Variants in CNTLN observed in about 807,000 individuals in gnomAD.
The protein encoded by CNTLN is centlein, centrosomal protein.
Under a neutral mutation model 180.0 loss-of-function variants are expected in CNTLN, and 212 were observed. The observed-to-expected ratio is 1.18, with a 90% CI of 1.05 to 1.32. The LOEUF is 1.32. Among genes scored for constraint, CNTLN ranks in the 40% most tolerant of loss-of-function variants. The pLI, the probability that CNTLN is intolerant of heterozygous loss-of-function variation, is 0.00. For missense variants in CNTLN, 2,095 were observed against 1,610.9 expected (o/e 1.30, Z -5.14); for synonymous variants, 722 against 563.1 (o/e 1.28, Z -3.99).
chr9:17,291,331 C>G (rs1829392791), intron 6 of CNTLN, among the ~76,000 whole-genome samples: 1 of 152,152 alleles, frequency 6.6e-6, no homozygotes, highest in East Asian at 1.9e-4. Context: ...TCCACTTGAT[C>G]CAGAGCTTAG....
intron 13 of CNTLN, among the ~76,000 whole-genome samples, chr9:17,386,498 G>A (rs111988085): frequency 1.1e-4 from 16 of 152,278 alleles, no homozygotes; most frequent in African/African-American, 3.9e-4. Flanking sequence ...TTCTAACTAG[G>A]TCTTGTTGGT....
At chr9:17,299,549 A>C (rs1205720265) in intron 7 of CNTLN, 1 of 985,216 alleles carries the variant, frequency 1.0e-6, no homozygotes, top group Non-Finnish European at 1.2e-6. Flanking sequence ...GCTTTGTAAC[A>C]GTGGTTTTCA....
chr9:17,462,568 AT>A (rs1000173773), intron 19 of CNTLN, among the ~76,000 whole-genome samples: 6 of 151,784 alleles, frequency 4.0e-5, no homozygotes, highest in Non-Finnish European at 5.9e-5. Context: ...TAAATCCAGT[AT>A]TTGTTTTAAG....
At chr9:17,186,062 G>A (rs926585860) in intron 2 of CNTLN, among the ~76,000 whole-genome samples, 3 of 152,094 alleles carry the variant, frequency 2.0e-5, no homozygotes, top group East Asian at 1.9e-4. Context: ...AGAGTGCCAG[G>A]ACCACAGGTA....
chr9:17,361,767 C>T (rs1823410147), intron 12 of CNTLN, among the ~76,000 whole-genome samples: 1 of 152,228 alleles, frequency 6.6e-6, no homozygotes, highest in African/African-American at 2.4e-5. Context: ...TCATTAAGGG[C>T]TCTCTCTGTT....
In CNTLN at chr9:17,477,751, G is replaced by A. The variant is rs550725698; in HGVS notation, c.3856-6544G>A. Among the ~76,000 whole-genome samples the A allele has an allele frequency of 3.9e-5, 6 of 152,364 alleles. No homozygotes were observed. The South Asian group carries it at 1.0e-3, about 26-fold the overall frequency. On this transcript the variant is annotated intron_variant, in intron 23 of 25. Coordinates refer to ENST00000380647, the MANE Select transcript of CNTLN (RefSeq NM_017738.4). The stretch of plus-strand genomic sequence containing the variant: ...AGTAGAGAAAGCGGTTTCCTGAGAC[G>A]AAATCTCCTCCTGGTGAAAACGCTG...
intron 2 of CNTLN, among the ~76,000 whole-genome samples, chr9:17,165,137 C>T (rs77873567): frequency 1.3e-5 from 2 of 152,078 alleles, no homozygotes; most frequent in Non-Finnish European, 1.5e-5. Context: ...TGCGCCCGGC[C>T]TCTTAGAACA....
chr9:17,347,667 T>G (rs1205899133), intron 12 of CNTLN, among the ~76,000 whole-genome samples: 1 of 75,724 alleles, frequency 1.3e-5, no homozygotes, highest in Non-Finnish European at 2.9e-5. Context: ...AGTAAGACTC[T>G]TGTCTCAAAA....
chr9:17,250,488 G>C (rs962110404), intron 5 of CNTLN, among the ~76,000 whole-genome samples: 1 of 151,844 alleles, frequency 6.6e-6, no homozygotes, highest in Admixed American at 6.6e-5. Context: ...TTTCGATTTT[G>C]TTTGTTTAGT....
chr9:17,318,577 A>G (rs1006630512), intron 8 of CNTLN, among the ~76,000 whole-genome samples: 12 of 152,194 alleles, frequency 7.9e-5, no homozygotes, highest in Admixed American at 6.5e-4. Context: ...AAATGAATTC[A>G]TGCTTTTCAG....
chr9:17,246,228 C>A (rs1825788951), intron 5 of CNTLN, among the ~76,000 whole-genome samples: 1 of 152,072 alleles, frequency 6.6e-6, no homozygotes, highest in Non-Finnish European at 1.5e-5. Flanking sequence ...TGATCTATGT[C>A]TTTGGTCATT....
At chr9:17,211,805 CT>C (rs1199447882) in intron 2 of CNTLN, among the ~76,000 whole-genome samples, 1 of 151,994 alleles carries the variant, frequency 6.6e-6, no homozygotes, top group Non-Finnish European at 1.5e-5. Flanking sequence ...GTATTTTATT[CT>C]CTTTGAAGCA....
intron 5 of CNTLN, among the ~76,000 whole-genome samples, chr9:17,249,639 G>A (rs1344428071): frequency 1.3e-5 from 2 of 151,936 alleles, no homozygotes; most frequent in South Asian, 2.1e-4. Context: ...ACGAGCTGCT[G>A]CATCCAGCTG....
intron 6 of CNTLN, among the ~76,000 whole-genome samples, chr9:17,274,503 ATGTATCTT>A (rs201064599): frequency 0.019 from 2,544 of 135,206 alleles, 42 homozygotes; most frequent in South Asian, 0.097. Flanking sequence ...CTATCTATCT[ATGTATCTT>A]TCTATCTATC....
chr9:17,504,122 A>C (rs1455703214), downstream of CNTLN, among the ~76,000 whole-genome samples: 1 of 152,078 alleles, frequency 6.6e-6, no homozygotes, highest in Non-Finnish European at 1.5e-5. Flanking sequence ...ACCAGTACAC[A>C]CTTTTCATGT....
intron 8 of CNTLN, among the ~76,000 whole-genome samples, chr9:17,320,970 T>A (rs892072982): frequency 6.6e-6 from 1 of 152,238 alleles, no homozygotes; most frequent in Non-Finnish European, 1.5e-5. Flanking sequence ...GTATGTGAGA[T>A]TGCCCACATT....
chr9:17,522,718 C>CTCAAA, the CNTLN span, among the ~76,000 whole-genome samples: 1 of 151,520 alleles, frequency 6.6e-6, no homozygotes, highest in Non-Finnish European at 1.5e-5. Context: ...GTATGACACA[C>CTCAAA]GTGAGACTAA....
chr9:17,135,660 C>CCCGGGTTTGGTTTTGGTCACTTGG (rs1412899510), intron 1 of CNTLN, among the ~76,000 whole-genome samples: 9 of 152,158 alleles, frequency 5.9e-5, no homozygotes, highest in African/African-American at 2.2e-4. Context: ...CGCCTCCGCG[C>CCCGGGTTTGGTTTTGGTCACTTGG]CCGGGTTTGG....
chr9:17,300,095 G>C, intron 7 of CNTLN: 1 of 151,994 alleles, frequency 6.6e-6, no homozygotes, highest in East Asian at 1.9e-4. Flanking sequence ...CTTATCTGAA[G>C]TGCTTGGAAC....
Sources: allele counts gnomAD v4.1 joint callset (sites outside exome capture counted in the v4.1 genomes callset), GRCh38; gene constraint gnomAD v4.1.1; transcripts MANE v1.5; gene names NCBI Gene and HGNC (gene_info 2026-07-23, HGNC 2026-07-21).